The following FRMPD4 variants were observed in gnomAD, a reference collection of about 807,000 sequenced individuals.
The protein encoded by FRMPD4 is FERM and PDZ domain-containing protein 4.
Under a neutral mutation model 94.1 loss-of-function variants are expected in FRMPD4, and 22 were observed. The ratio of observed to expected loss-of-function variants is 0.23; its 90% confidence interval spans 0.17 to 0.33. FRMPD4 has a LOEUF of 0.33. Among genes scored for constraint, FRMPD4 ranks in the 10% least tolerant of loss-of-function variants. The pLI is 1.00. For missense variants in FRMPD4, 1,111 were observed against 1,339.9 expected, an observed-to-expected ratio of 0.83 and a Z score of 2.67; for synonymous variants, 631 against 548.6, an observed-to-expected ratio of 1.15 and a Z score of -2.10.
intron 1 of FRMPD4, among the ~76,000 whole-genome samples, chrX:11,855,470 A>AG (rs2053648706): frequency 8.9e-6 from 1 of 112,088 alleles, no homozygotes; most frequent in Admixed American, 9.4e-5. Context: ...AATTTTCCAA[A>AG]CTTTTATGCT....
chrX:11,875,808 C>CA (rs1266614697), intron 2 of FRMPD4, among the ~76,000 whole-genome samples: 1 of 110,157 alleles, frequency 9.1e-6, no homozygotes, highest in Non-Finnish European at 1.9e-5. Flanking sequence ...ATAAGCCCCC[C>CA]AGAGGGGACA....
chrX:12,094,393 G>C (rs2055180943), intron 3 of FRMPD4, among the ~76,000 whole-genome samples: 1 of 112,192 alleles, frequency 8.9e-6, no homozygotes, highest in Non-Finnish European at 1.9e-5. Flanking sequence ...GGAACAGGCA[G>C]AGTTGACTTT....
intron 1 of FRMPD4, among the ~76,000 whole-genome samples, chrX:12,320,202 G>T (rs181683392): frequency 8.9e-6 from 1 of 111,825 alleles, no homozygotes; most frequent in African/African-American, 3.2e-5. Context: ...TGAGTCTAAA[G>T]CACTTTTATC....
intron 4 of FRMPD4, among the ~76,000 whole-genome samples, chrX:12,671,903 AC>A (rs2059848069): frequency 9.0e-6 from 1 of 111,464 alleles, no homozygotes; most frequent in Non-Finnish European, 1.9e-5. Flanking sequence ...GTTCCCATAA[AC>A]ATATTGAACA....
chrX:12,462,569 T>C (rs972029548), intron 1 of FRMPD4, among the ~76,000 whole-genome samples: 1 of 112,103 alleles, frequency 8.9e-6, no homozygotes, highest in African/African-American at 3.2e-5. Context: ...ATTTGCCCAC[T>C]TTCCATATTC....
intron 1 of FRMPD4, among the ~76,000 whole-genome samples, chrX:12,280,996 A>G (rs1289904158): frequency 2.7e-5 from 3 of 111,751 alleles, no homozygotes; most frequent in Admixed American, 9.5e-5. Flanking sequence ...AATATTTTCT[A>G]TTTTCCTAAC....
chrX:12,656,542 C>T (rs190160005), intron 4 of FRMPD4, among the ~76,000 whole-genome samples: 228 of 112,073 alleles, frequency 2.0e-3, no homozygotes, highest in African/African-American at 7.1e-3. Context: ...AAATGATCTA[C>T]GACTACACAT....
chrX:12,451,089 T>G (rs1223636385), intron 1 of FRMPD4, among the ~76,000 whole-genome samples: 2 of 111,131 alleles, frequency 1.8e-5, no homozygotes, highest in African/African-American at 6.5e-5. Context: ...CAAGCAGATA[T>G]CTGCCTTAGG....
intron 2 of FRMPD4, among the ~76,000 whole-genome samples, chrX:12,583,744 G>C (rs2058893445): frequency 8.9e-6 from 1 of 112,741 alleles, no homozygotes; most frequent in Admixed American, 9.3e-5. Flanking sequence ...GGGCCCAGCT[G>C]TCTGCAGGTT....
At chrX:12,363,524 C>T (rs1423185824) in intron 1 of FRMPD4, among the ~76,000 whole-genome samples, 5 of 111,833 alleles carry the variant, frequency 4.5e-5, no homozygotes, top group African/African-American at 6.5e-5. Context: ...TGGAGGAAAG[C>T]GGAAGAGGAG....
At chrX:12,708,559 G>T (rs2041924207) in intron 13 of FRMPD4, among the ~76,000 whole-genome samples, 1 of 111,213 alleles carries the variant, frequency 9.0e-6, no homozygotes, top group Non-Finnish European at 1.9e-5. Context: ...CCAGGTTCCT[G>T]GTCTCCACCT....
At chrX:12,083,643 G>T in intron 3 of FRMPD4, among the ~76,000 whole-genome samples, 1 of 112,559 alleles carries the variant, frequency 8.9e-6, no homozygotes, top group South Asian at 3.6e-4. Flanking sequence ...CTCAATGCCA[G>T]CCTGTGAAAG....
intron 4 of FRMPD4, among the ~76,000 whole-genome samples, chrX:12,621,966 AAGAGAAAGAAAG>A (rs2059294756): frequency 1.6e-5 from 1 of 63,144 alleles, no homozygotes; most frequent in African/African-American, 6.9e-5. Flanking sequence ...GAAAGAAAGA[AAGAGAAAGAAAG>A]AAAGAAAGAA....
chrX:12,009,371 T>C (rs1485064854), intron 3 of FRMPD4, among the ~76,000 whole-genome samples: 2 of 112,443 alleles, frequency 1.8e-5, no homozygotes, highest in Admixed American at 9.4e-5. Flanking sequence ...GTCAAAACAA[T>C]GTAGCTATCC....
intron 1 of FRMPD4, among the ~76,000 whole-genome samples, chrX:12,291,817 T>C (rs1271342451): frequency 3.6e-5 from 4 of 111,845 alleles, no homozygotes; most frequent in Admixed American, 9.5e-5. Flanking sequence ...TCATCCTTTC[T>C]GCTGGGGGTT....
chrX:11,926,194 C>T (rs2054086790), intron 3 of FRMPD4, among the ~76,000 whole-genome samples: 3 of 98,430 alleles, frequency 3.0e-5, no homozygotes, highest in African/African-American at 7.8e-5. Context: ...CCAGAAGAAA[C>T]TGAATCCCTG....
Position 12,063,354 on chromosome X carries a change from G to A in FRMPD4, c.95+185336G>A, listed in dbSNP as rs756114829. Among the ~76,000 whole-genome samples the A allele has an allele frequency of 1.2e-4, 13 of 111,819 alleles. No homozygotes were observed. The South Asian group carries it at 3.4e-3, about 29-fold the overall frequency. On this transcript the variant is annotated intron_variant, in intron 3 of 18. Transcript: ENST00000640291. ...ACTGCACTCCAGCCTTGGCAACAGAGTGAGACCACATTTCAAAAGAAACAA... is the reference window on the plus strand; with the variant it reads ...ACTGCACTCCAGCCTTGGCAACAGAATGAGACCACATTTCAAAAGAAACAA...
chrX:12,489,010 G>A (rs1329369035), intron 1 of FRMPD4, among the ~76,000 whole-genome samples: 1 of 111,725 alleles, frequency 9.0e-6, no homozygotes, highest in Admixed American at 9.5e-5. Context: ...ATACAATGGT[G>A]GAGTTGAATA....
At chrX:12,158,312 T>G (rs2055968457) in intron 1 of FRMPD4, among the ~76,000 whole-genome samples, 1 of 112,121 alleles carries the variant, frequency 8.9e-6, no homozygotes, top group South Asian at 3.7e-4. Flanking sequence ...CCTAAATGAG[T>G]ACAATTGACA....
Sources: gnomAD v4.1 joint callset for allele counts (sites outside exome capture counted in the v4.1 genomes callset) on GRCh38, gnomAD v4.1.1 for gene constraint, MANE v1.5 for transcripts, NCBI Gene and HGNC (gene_info 2026-07-23, HGNC 2026-07-21) for gene names.